Variants in ACOXL observed in about 807,000 individuals in gnomAD.
The protein encoded by ACOXL is acyl-coenzyme A oxidase-like protein.
A neutral mutation model predicts 71.9 loss-of-function variants in ACOXL; 70 were observed. The ratio of observed to expected loss-of-function variants is 0.97; its 90% CI spans 0.80 to 1.19. The LOEUF is 1.19. Ranked by LOEUF, ACOXL falls within the 50% of genes most tolerant of loss-of-function variation. The pLI is 0.00. For synonymous variants in ACOXL, 253 were observed against 281.6 expected (o/e 0.90, Z 1.02); for missense variants, 703 against 736.3 (o/e 0.95, Z 0.52).
intron 13 of ACOXL, among the ~76,000 whole-genome samples, chr2:110,994,601 G>T (rs2063311802): frequency 6.6e-6 from 1 of 152,112 alleles, no homozygotes; most frequent in Non-Finnish European, 1.5e-5. Context: ...TTATCTAAAG[G>T]TTCATGGTGG....
chr2:111,082,562 T>C (rs1475505971), intron 16 of ACOXL, among the ~76,000 whole-genome samples: 5 of 152,206 alleles, frequency 3.3e-5, no homozygotes. Context: ...GGAACACTTT[T>C]ACACTGTTGG....
intron 16 of ACOXL, among the ~76,000 whole-genome samples, chr2:111,074,638 G>A (rs11123325): frequency 0.87 from 132,030 of 152,078 alleles, 57,394 homozygotes; most frequent in Middle Eastern, 0.92. Context: ...ACCATCTCCC[G>A]TGCTGGAGTG....
intron 9 of ACOXL, among the ~76,000 whole-genome samples, chr2:110,823,413 T>C (rs1252447242): frequency 5.3e-5 from 8 of 152,236 alleles, no homozygotes; most frequent in Non-Finnish European, 8.8e-5. Flanking sequence ...TGAATAAAGC[T>C]GCTATACACA....
At chr2:110,800,305 T>C (rs1343759506) in intron 7 of ACOXL, among the ~76,000 whole-genome samples, 1 of 152,194 alleles carries the variant, frequency 6.6e-6, no homozygotes, top group African/African-American at 2.4e-5. Context: ...ACTGTGTCTT[T>C]GGCCTGTAAA....
At chr2:110,746,659 T>C (rs1452143679) in intron 1 of ACOXL, among the ~76,000 whole-genome samples, 1 of 152,118 alleles carries the variant, frequency 6.6e-6, no homozygotes, top group Non-Finnish European at 1.5e-5. Context: ...ACAGTCACGC[T>C]CCACCATGAA....
intron 10 of ACOXL, among the ~76,000 whole-genome samples, chr2:110,874,738 A>G (rs1695692607): frequency 6.6e-6 from 1 of 152,144 alleles, no homozygotes; most frequent in Non-Finnish European, 1.5e-5. Flanking sequence ...GGAGGCCGTG[A>G]GGGCTGTGCT....
intron 1 of ACOXL, among the ~76,000 whole-genome samples, chr2:110,748,894 G>T (rs1678575450): frequency 6.6e-6 from 1 of 152,210 alleles, no homozygotes; most frequent in African/African-American, 2.4e-5. Context: ...TTTTCAACAA[G>T]AAGAGAATGC....
At position 110,838,234 on chromosome 2, in the gene ACOXL, G is replaced by A. The variant is rs532724738; in HGVS notation, c.754-3137G>A. Reference sequence around the variant, plus strand: ...AAGCACTAAAAGACTGCATGTGTGCGTGTGCATGTCTGAATGTGGACGAGT... The same window carrying A: ...AAGCACTAAAAGACTGCATGTGTGCATGTGCATGTCTGAATGTGGACGAGT... On this transcript the variant is annotated intron_variant, in intron 9 of 17. Transcript: ENST00000439055. Among the ~76,000 whole-genome samples, 7 of 152,300 alleles carry A rather than the reference G, an allele frequency of 4.6e-5. No individual in the cohort carries two copies. The South Asian group carries it at 6.2e-4, about 14-fold the overall frequency.
chr2:110,870,340 C>CTTTT (rs138530387), intron 10 of ACOXL, among the ~76,000 whole-genome samples: 2 of 146,110 alleles, frequency 1.4e-5, no homozygotes, highest in African/African-American at 2.5e-5. Flanking sequence ...AAGCCCTAGA[C>CTTTT]TTTTTTTTTT....
At chr2:110,879,667 T>C (rs1696375186) in intron 10 of ACOXL, among the ~76,000 whole-genome samples, 1 of 152,132 alleles carries the variant, frequency 6.6e-6, no homozygotes, top group Non-Finnish European at 1.5e-5. Flanking sequence ...ACTTAAACGC[T>C]CCAGAACAGT....
intron 15 of ACOXL, chr2:111,036,768 G>A (rs1346221765): frequency 6.6e-6 from 1 of 152,166 alleles, no homozygotes; most frequent in African/African-American, 2.4e-5. Context: ...ACGAAAGTGA[G>A]AACTCACCTT....
In ACOXL at chr2:110,910,826, GTTTA is replaced by G. The variant is rs541251642; in HGVS notation, c.905+1927_905+1930del. On this transcript the variant is annotated intron_variant, in intron 11 of 17. Transcript: ENST00000439055. ...ATCTTATTGTTATTGACTTATAAGA[GTTTA>G]TTTATAACAAAAACAAGCACTTACT... Among the ~76,000 whole-genome samples, 29 of 152,176 alleles carry G rather than the reference GTTTA, an allele frequency of 1.9e-4. No homozygotes were observed. In the South Asian group the frequency reaches 2.5e-3, roughly 13 times the overall value.
intron 13 of ACOXL, among the ~76,000 whole-genome samples, chr2:110,993,177 A>C (rs1252868407): frequency 6.6e-6 from 1 of 152,256 alleles, no homozygotes; most frequent in East Asian, 1.9e-4. Flanking sequence ...GTACAATAAA[A>C]TGCACAAATC....
At chr2:110,756,995 T>C (rs1679789441) in intron 1 of ACOXL, among the ~76,000 whole-genome samples, 1 of 152,172 alleles carries the variant, frequency 6.6e-6, no homozygotes, top group South Asian at 2.1e-4. Context: ...GATCATCTCA[T>C]CATCTAGGTA....
At chr2:111,050,193 GA>G (rs1031821710) in intron 16 of ACOXL, among the ~76,000 whole-genome samples, 4 of 150,912 alleles carry the variant, frequency 2.7e-5, no homozygotes, top group Middle Eastern at 3.2e-3. Flanking sequence ...GAAATGGGTG[GA>G]AAAAAAATAG....
Position 110,968,339 on chromosome 2 carries a change from G to A in ACOXL, c.1060-18769G>A, listed in dbSNP as rs562825645. ...GGCTCCCTGAAGGGAGCTGTGGCTG[G>A]AGGCTCATCTGTCTCTCATAGTACC... On this transcript the variant is annotated intron_variant, in intron 12 of 17. Transcript: ENST00000439055. 301 of 1,170,372 alleles carry A rather than the reference G, an allele frequency of 2.6e-4. 1 individual carries two copies. The highest frequency in any genetic ancestry group is 3.6e-4 in the Non-Finnish European group (287 of 791,752). The allele number at this position is 1,170,372 out of a possible 1,614,324, so 72.5% of individuals were successfully genotyped here.
At chr2:110,841,601 C>T (rs1310535724) in intron 10 of ACOXL, among the ~76,000 whole-genome samples, 196 bp downstream of exon 10, 9 of 152,150 alleles carry the variant, frequency 5.9e-5, no homozygotes, top group Admixed American at 5.9e-4. Flanking sequence ...TTTGTGAAAA[C>T]ATGGTGGTAG....
rs528603046 is a variant in ACOXL, at chr2:111,101,656, GA to G, written c.1542+8704del. 9.7e-3 allele frequency among the ~76,000 whole-genome samples: 1,343 copies of G among 138,730 alleles called. 20 individuals carry two copies. The highest frequency in any genetic ancestry group is 0.03 in the African/African-American group (1,147 of 37,740). The allele number at this position is 138,730 out of a possible 152,430, so 91.0% of individuals were successfully genotyped here. A position where few individuals can be genotyped will look rare whatever the true frequency, so the allele number is the denominator to read the frequency against. On this transcript the variant is annotated intron_variant, in intron 17 of 17. Coordinates refer to ENST00000439055, the MANE Select transcript of ACOXL (RefSeq NM_001142807.4). ...GTTTTTCTCTGTAATGAATTTGAGG[GA>G]AAAAAAAAAAAAACTGTTTCCCTCA...
At position 111,092,901 on chromosome 2, in the gene ACOXL, GA is replaced by G. The variant is rs1447181310; in HGVS notation, c.1478del (p.Glu493GlyfsTer6). 1 of 1,613,986 alleles carries G rather than the reference GA, an allele frequency of 6.2e-7. No individual in the cohort carries two copies. Among genetic ancestry groups the G allele is most frequent in the African/African-American group, 1.3e-5 (1 of 74,988 alleles). ...LLYGTKLVFQ[E>X]RAWYLEHKYL... ...GTATGGAACCAAGCTGGTGTTTCAGGAGCGGGCCTGGTATTTAGAACATAAA... is the reference window on the plus strand; with the variant it reads ...GTATGGAACCAAGCTGGTGTTTCAGGGCGGGCCTGGTATTTAGAACATAAA... On this transcript the variant is annotated frameshift_variant, in exon 17 of 18. Transcript: ENST00000439055. LOFTEE classifies it high-confidence loss of function.
Sources: allele counts gnomAD v4.1 joint callset (sites outside exome capture counted in the v4.1 genomes callset), GRCh38; gene constraint gnomAD v4.1.1; transcripts MANE v1.5; gene names NCBI Gene and HGNC (gene_info 2026-07-23, HGNC 2026-07-21).